The following PLEKHB1 variants were observed in gnomAD, a reference collection of about 807,000 sequenced individuals.
PLEKHB1 encodes pleckstrin homology domain-containing family B member 1.
In PLEKHB1, 29 loss-of-function variants were observed where a neutral mutation model predicts 36.2. The observed-to-expected ratio is 0.80, with a 90% CI of 0.60 to 1.09. PLEKHB1 has a LOEUF of 1.09. Ranked by LOEUF, PLEKHB1 falls within the 50% of genes least tolerant of loss-of-function variation. The pLI is 0.00. For missense variants in PLEKHB1, 330 were observed against 348.2 expected (o/e 0.95, Z 0.42); for synonymous variants, 138 against 140.0 (o/e 0.99, Z 0.10).
chr11:73,649,059 G>A lies in PLEKHB1; in HGVS notation c.66G>A (p.Leu22=), dbSNP rs778642589. ...AAAGTCCTTTTGAAGAAATGGCCCT[G>A]GTGAGGGGCGGCTGGCTGTGGAGAC... ...ALESPFEEMA[L]VRGGWLWRQS... Residue 22 remains leucine (L), a synonymous_variant, in exon 2 of 8, where the codon CTG becomes CTA. Coordinates refer to ENST00000354190, the MANE Select transcript of PLEKHB1 (RefSeq NM_021200.3). The A allele has an allele frequency of 6.2e-7, 1 of 1,601,266 alleles. No individual in the cohort carries two copies. Among genetic ancestry groups the A allele is most frequent in the East Asian group, 2.3e-5 (1 of 44,376 alleles).
intron 6 of PLEKHB1, among the ~76,000 whole-genome samples, chr11:73,657,204 G>T (rs1655447799): frequency 6.6e-6 from 1 of 152,088 alleles, no homozygotes; most frequent in Non-Finnish European, 1.5e-5. Flanking sequence ...AGAAGTGCCT[G>T]GGCCACCAAA....
chr11:73,661,048 C>T lies in PLEKHB1; in HGVS notation c.595+196C>T. 1.6e-6 allele frequency: 1 copy of T among 622,304 alleles called. No homozygotes were observed. Among genetic ancestry groups the T allele is most frequent in the East Asian group, 2.8e-5 (1 of 35,770 alleles). The allele number at this position is 622,304 out of a possible 1,614,324, so 38.5% of individuals were successfully genotyped here. A position where few individuals can be genotyped will look rare whatever the true frequency, so the allele number is the denominator to read the frequency against. On this transcript the variant is annotated intron_variant, in intron 7 of 7. Coordinates refer to ENST00000354190, the MANE Select transcript of PLEKHB1 (RefSeq NM_021200.3). This position sits in a 1 kb window ranked among gnomAD's most constrained non-coding sequence, Gnocchi z 4.6. ...GAACCAGCGTTCGTCTCGAGCTGACCTCACCCTTCTGGGATGGCTCCTCAG... is the reference window on the plus strand; with the variant it reads ...GAACCAGCGTTCGTCTCGAGCTGACTTCACCCTTCTGGGATGGCTCCTCAG...
At chr11:73,654,569 C>T (rs1944957739) in intron 5 of PLEKHB1, among the ~76,000 whole-genome samples, 1 of 152,100 alleles carries the variant, frequency 6.6e-6, no homozygotes, top group African/African-American at 2.4e-5. Context: ...GTGACTTGTC[C>T]AAAGCTTATA....
Position 73,646,632 on chromosome 11 carries a change from G to A in PLEKHB1, c.18+6G>A. 4 of 1,551,554 alleles carry A rather than the reference G, an allele frequency of 2.6e-6. No individual in the cohort carries two copies. In the South Asian group the frequency reaches 3.6e-5, roughly 14 times the overall value. On this transcript the variant is annotated splice_donor_region_variant and intron_variant, in intron 1 of 7. Coordinates refer to ENST00000354190, the MANE Select transcript of PLEKHB1 (RefSeq NM_021200.3). ...CCATGAGCCCTGCAGCCCCGGTAAG[G>A]AAGAGTTCTCTGGGACAGGAGGAAG...
chr11:73,661,053 C>G lies in PLEKHB1; in HGVS notation c.595+201C>G, dbSNP rs1342022066. 2 of 615,752 alleles carry G rather than the reference C, an allele frequency of 3.2e-6. No individual in the cohort carries two copies. Among genetic ancestry groups the G allele is most frequent in the South Asian group, 3.9e-5 (2 of 51,382 alleles). The allele number at this position is 615,752 out of a possible 1,614,324, so 38.1% of individuals were successfully genotyped here. On this transcript the variant is annotated intron_variant, in intron 7 of 7. Coordinates refer to ENST00000354190, the MANE Select transcript of PLEKHB1 (RefSeq NM_021200.3). The surrounding 1 kb of genome is among the most constrained non-coding windows in gnomAD (Gnocchi z 4.6). ...AGCGTTCGTCTCGAGCTGACCTCAC[C>G]CTTCTGGGATGGCTCCTCAGCCCTG...
intron 2 of PLEKHB1, among the ~76,000 whole-genome samples, chr11:73,649,890 C>T (rs1448235574): frequency 6.6e-6 from 1 of 152,192 alleles, no homozygotes; most frequent in African/African-American, 2.4e-5. Context: ...CACAAATAAC[C>T]ATCACACAAG....
In PLEKHB1 at chr11:73,649,102, G is replaced by A. The variant is rs769254783; in HGVS notation, c.94+15G>A. On this transcript the variant is annotated intron_variant, in intron 2 of 7. Transcript: ENST00000354190. ...GTGGAGACAGAGTGAGTGATCCTGGGCCCCTGGTCCTGGGGCAGGGTGAAG... is the reference window on the plus strand; with the variant it reads ...GTGGAGACAGAGTGAGTGATCCTGGACCCCTGGTCCTGGGGCAGGGTGAAG... 1 of 1,585,768 alleles carries A rather than the reference G, an allele frequency of 6.3e-7. No individual in the cohort carries two copies. Among genetic ancestry groups the A allele is most frequent in the South Asian group, 1.2e-5 (1 of 86,820 alleles).
At position 73,660,853 on chromosome 11, in the gene PLEKHB1, G is replaced by T. The variant is rs200486046; in HGVS notation, c.595+1G>T. On this transcript the variant is annotated splice_donor_variant, in intron 7 of 7. Coordinates refer to ENST00000354190, the MANE Select transcript of PLEKHB1 (RefSeq NM_021200.3). LOFTEE classifies it high-confidence loss of function. ...AGCTACTACGGACCGCCCTACGCAGGTAAGTCTCCAGCGTGCCCCGGGGCT... is the reference window on the plus strand; with the variant it reads ...AGCTACTACGGACCGCCCTACGCAGTTAAGTCTCCAGCGTGCCCCGGGGCT... The T allele has an allele frequency of 4.4e-5, 70 of 1,581,482 alleles. No homozygotes were observed. Among genetic ancestry groups the T allele is most frequent in the Non-Finnish European group, 6.9e-6 (8 of 1,166,516 alleles).
At position 73,661,003 on chromosome 11, in the gene PLEKHB1, C is replaced by G. The variant is rs146793862; in HGVS notation, c.595+151C>G. ...AACTCTCCGCAAGCCCCTCTCCATC[C>G]TGAGACTGGGAGAGCTCTGGAACCA... On this transcript the variant is annotated intron_variant, in intron 7 of 7. Coordinates refer to ENST00000354190, the MANE Select transcript of PLEKHB1 (RefSeq NM_021200.3). This position sits in a 1 kb window ranked among gnomAD's most constrained non-coding sequence, Gnocchi z 4.6. 2.1e-5 allele frequency: 15 copies of G among 729,732 alleles called. No homozygotes were observed. The highest frequency in any genetic ancestry group is 3.8e-4 in the Middle Eastern group (1 of 2,620). 45.2% of individuals were successfully genotyped at this position (729,732 alleles called of 1,614,324 possible).
intron 2 of PLEKHB1, 32 bp from the exon 3 acceptor site, chr11:73,650,521 A>G: frequency 6.3e-7 from 1 of 1,578,942 alleles, no homozygotes; most frequent in Non-Finnish European, 8.6e-7. Context: ...CTCTGGGATC[A>G]GCCTGCCTAG....
In PLEKHB1 at chr11:73,661,374, A is replaced by G; in HGVS notation, c.596-92A>G. The stretch of plus-strand genomic sequence containing the variant: ...CAGGAGAGTGGGTTCGGCGCCTTAC[A>G]CTGGGTTGGGCTGGAGTGATGCAGG... On this transcript the variant is annotated intron_variant, in intron 7 of 7. Coordinates refer to ENST00000354190, the MANE Select transcript of PLEKHB1 (RefSeq NM_021200.3). This position sits in a 1 kb window ranked among gnomAD's most constrained non-coding sequence, Gnocchi z 4.6. The G allele has an allele frequency of 1.4e-6, 2 of 1,465,638 alleles. No homozygotes were observed. Among genetic ancestry groups the G allele is most frequent in the Non-Finnish European group, 1.9e-6 (2 of 1,060,498 alleles). The allele number at this position is 1,465,638 out of a possible 1,614,324, so 90.8% of individuals were successfully genotyped here. A position where few individuals can be genotyped will look rare whatever the true frequency, so the allele number is the denominator to read the frequency against.
rs138611225 is a variant in PLEKHB1 at position 73,653,335 on chromosome 11, C to G, written c.390+321C>G. On this transcript the variant is annotated intron_variant, in intron 5 of 7. Transcript: ENST00000354190. The stretch of plus-strand genomic sequence containing the variant: ...CATTCCAGCTGCTCCTCACAACAGT[C>G]CTGTGAAGTTGGGGTTATTGTTCTC... 9.8e-4 allele frequency: 587 copies of G among 599,658 alleles called. 2 individuals carry two copies. Among genetic ancestry groups the G allele is most frequent in the African/African-American group, 9.1e-3 (500 of 54,922 alleles). 37.1% of individuals were successfully genotyped at this position (599,658 alleles called of 1,614,324 possible).
rs1945102628 is a variant in PLEKHB1, at chr11:73,661,025, A to G, written c.595+173A>G. On this transcript the variant is annotated intron_variant, in intron 7 of 7. Transcript: ENST00000354190. The surrounding 1 kb of genome is among the most constrained non-coding windows in gnomAD (Gnocchi z 4.6). Reference sequence around the variant, plus strand: ...ATCCTGAGACTGGGAGAGCTCTGGAACCAGCGTTCGTCTCGAGCTGACCTC... The same window carrying G: ...ATCCTGAGACTGGGAGAGCTCTGGAGCCAGCGTTCGTCTCGAGCTGACCTC... The G allele has an allele frequency of 1.5e-6, 1 of 669,740 alleles. No individual in the cohort carries two copies. The highest frequency in any genetic ancestry group is 1.8e-5 in the African/African-American group (1 of 55,664). The allele number at this position is 669,740 out of a possible 1,614,324, so 41.5% of individuals were successfully genotyped here.
intron 6 of PLEKHB1, chr11:73,660,165 G>A (rs1038489880): frequency 6.5e-6 from 1 of 152,934 alleles, no homozygotes; most frequent in Non-Finnish European, 1.5e-5. Context: ...TGGAGCAATA[G>A]GATATACCAT....
In PLEKHB1 at chr11:73,660,771, T is replaced by C. The variant is rs377314135; in HGVS notation, c.514T>C (p.Tyr172His). The C allele has an allele frequency of 2.5e-6, 4 of 1,598,404 alleles. No individual in the cohort carries two copies. The East Asian group carries it at 9.1e-5, about 36-fold the overall frequency. Residue 172 changes from tyrosine to histidine, a missense_variant, in exon 7 of 8, where the codon TAC becomes CAC. By Grantham distance (83) the Tyr-to-His change is moderately conservative (BLOSUM62 2). Coordinates refer to ENST00000354190, the MANE Select transcript of PLEKHB1 (RefSeq NM_021200.3). ...RRIWVRVYSP[Y>H]QDYYEVVPPN... ...TCCCCAGGTGCGCGTCTACAGCCCG[T>C]ACCAAGACTACTACGAGGTGGTGCC...
At chr11:73,660,917 C>A in intron 7 of PLEKHB1, 65 bp downstream of exon 7, 1 of 1,439,582 alleles carries the variant, frequency 6.9e-7, no homozygotes, top group South Asian at 1.2e-5. Flanking sequence ...AGGCCCAGCC[C>A]ACGGTCCGTA....
intron 2 of PLEKHB1, 62 bp downstream of exon 2, chr11:73,649,149 C>A: frequency 1.3e-6 from 2 of 1,535,592 alleles, no homozygotes; most frequent in South Asian, 1.2e-5. Context: ...CTGGGCTTGC[C>A]ACGGGGAACA....
At chr11:73,647,734 A>C (rs1450622022) in intron 1 of PLEKHB1, 1 of 985,404 alleles carries the variant, frequency 1.0e-6, no homozygotes, top group Non-Finnish European at 1.2e-6. Flanking sequence ...ACAAGTGTAG[A>C]CAAGGTGGGT....
chr11:73,648,868 GGGA>G, intron 1 of PLEKHB1, 141 bp from the exon 2 acceptor site: 1 of 1,416,226 alleles, frequency 7.1e-7, no homozygotes, highest in South Asian at 1.5e-5. Context: ...GCAGAGAATG[GGGA>G]GGAGGCCGAG....
Sources: allele counts gnomAD v4.1 joint callset (sites outside exome capture counted in the v4.1 genomes callset), GRCh38; gene constraint gnomAD v4.1.1; non-coding constraint Gnocchi (gnomAD v3.1); transcripts MANE v1.5; gene names NCBI Gene and HGNC (gene_info 2026-07-23, HGNC 2026-07-21).